Variants in VAV3 observed in about 807,000 individuals in gnomAD.
VAV3 encodes the protein guanine nucleotide exchange factor VAV3.
Under a neutral mutation model 131.2 loss-of-function variants are expected in VAV3, and 94 were observed. That is an observed-to-expected ratio of 0.72 (90% CI 0.61 to 0.85). The LOEUF is 0.85. Ranked by LOEUF, VAV3 falls within the 40% of genes least tolerant of loss-of-function variation. The pLI is 0.00. For synonymous variants in VAV3, 349 were observed against 342.0 expected, an observed-to-expected ratio of 1.02 and a Z score of -0.22; for missense variants, 939 against 1,002.7, an observed-to-expected ratio of 0.94 and a Z score of 0.86.
intron 2 of VAV3, among the ~76,000 whole-genome samples, chr1:107,792,841 T>G (rs907011435): frequency 6.6e-6 from 1 of 152,192 alleles, no homozygotes; most frequent in Admixed American, 6.5e-5. Flanking sequence ...GCTACCAGCT[T>G]GTACCCTCCT....
At chr1:107,750,631 C>T (rs1663659710) in intron 13 of VAV3, among the ~76,000 whole-genome samples, 1 of 152,278 alleles carries the variant, frequency 6.6e-6, no homozygotes, top group South Asian at 2.1e-4. Context: ...CCACAAAAAC[C>T]TCTGTTTGAT....
At chr1:107,838,813 T>C (rs1454421569) in intron 2 of VAV3, among the ~76,000 whole-genome samples, 1 of 152,172 alleles carries the variant, frequency 6.6e-6, no homozygotes, top group African/African-American at 2.4e-5. Flanking sequence ...TAGATGGTGC[T>C]GGAGCGTATT....
At chr1:107,912,357 G>T (rs1672414680) in intron 1 of VAV3, among the ~76,000 whole-genome samples, 1 of 152,120 alleles carries the variant, frequency 6.6e-6, no homozygotes, top group Non-Finnish European at 1.5e-5. Context: ...ACCACCAAGG[G>T]CAGATAGTGA....
chr1:107,831,223 A>G (rs1230153606), intron 2 of VAV3, among the ~76,000 whole-genome samples: 1 of 152,352 alleles, frequency 6.6e-6, no homozygotes, highest in East Asian at 1.9e-4. Flanking sequence ...TGTTTTTATA[A>G]ACAATACATG....
At chr1:107,749,620 A>AT in intron 13 of VAV3, 26 bp from the exon 14 acceptor site, 1 of 1,605,028 alleles carries the variant, frequency 6.2e-7, no homozygotes, top group Non-Finnish European at 8.5e-7. Flanking sequence ...TGATTGATTG[A>AT]TTTTAAATGG....
chr1:107,868,747 G>C (rs138328024), intron 2 of VAV3, among the ~76,000 whole-genome samples: 2 of 152,020 alleles, frequency 1.3e-5, no homozygotes, highest in East Asian at 3.8e-4. Context: ...TTGGAACTTC[G>C]GTAATAAAGA....
chr1:107,750,395 T>G (rs1663638611), intron 13 of VAV3, among the ~76,000 whole-genome samples: 1 of 152,240 alleles, frequency 6.6e-6, no homozygotes, highest in African/African-American at 2.4e-5. Flanking sequence ...ATACCAATAC[T>G]TGTGTATTTT....
intron 19 of VAV3, among the ~76,000 whole-genome samples, chr1:107,654,207 T>A (rs1234521869): frequency 1.3e-5 from 2 of 152,162 alleles, no homozygotes; most frequent in East Asian, 3.9e-4. Context: ...TTATTTCAGA[T>A]TTCAATACTT....
chr1:107,765,556 T>C (rs931825055), intron 8 of VAV3, among the ~76,000 whole-genome samples: 6 of 152,224 alleles, frequency 3.9e-5, no homozygotes, highest in African/African-American at 1.4e-4. Context: ...GAAAGTTTTC[T>C]CTATTACAAT....
intron 2 of VAV3, among the ~76,000 whole-genome samples, chr1:107,780,532 T>C (rs1665630521): frequency 6.6e-6 from 1 of 152,204 alleles, no homozygotes; most frequent in African/African-American, 2.4e-5. Flanking sequence ...TGTTTCTTTT[T>C]TGAGACAGAG....
At chr1:107,747,906 C>T (rs1224639518) in intron 15 of VAV3, among the ~76,000 whole-genome samples, 3 of 152,126 alleles carry the variant, frequency 2.0e-5, no homozygotes, top group Admixed American at 2.0e-4. Context: ...CCTACTCCCA[C>T]CTCTAGTTTA....
intron 15 of VAV3, among the ~76,000 whole-genome samples, 170 bp downstream of exon 15, chr1:107,748,798 T>A (rs546755453): frequency 1.3e-5 from 2 of 152,312 alleles, no homozygotes; most frequent in Admixed American, 1.3e-4. Flanking sequence ...GAGACCAAAG[T>A]TATCAAGCAG....
chr1:107,665,263 G>T (rs1377310298), intron 19 of VAV3, among the ~76,000 whole-genome samples: 1 of 152,112 alleles, frequency 6.6e-6, no homozygotes, highest in Admixed American at 6.6e-5. Context: ...AAAATATGGG[G>T]GTTGAGAGTG....
At chr1:107,779,286 A>G (rs2102224517) in intron 3 of VAV3, 148 bp downstream of exon 3, 1 of 537,482 alleles carries the variant, frequency 1.9e-6, no homozygotes, top group East Asian at 3.5e-5. Flanking sequence ...ATTAATTTCA[A>G]ACGTGTACGG....
intron 17 of VAV3, among the ~76,000 whole-genome samples, chr1:107,697,264 A>G (rs1659804615): frequency 1.3e-5 from 2 of 151,836 alleles, no homozygotes; most frequent in Non-Finnish European, 2.9e-5. Flanking sequence ...ATCTGAGAGT[A>G]AAAAAAGGAA....
At chr1:107,595,277 A>G (rs2101066662) in intron 25 of VAV3, among the ~76,000 whole-genome samples, 1 of 152,286 alleles carries the variant, frequency 6.6e-6, no homozygotes, top group East Asian at 1.9e-4. Context: ...TTGTTTGTTT[A>G]CTTGAATTGA....
chr1:107,963,347 G>A (rs892649912), intron 1 of VAV3: 3 of 152,398 alleles, frequency 2.0e-5, no homozygotes, highest in African/African-American at 7.2e-5. Context: ...TTCCAGAGTT[G>A]AGACAACTCT....
At chr1:107,717,450 T>C (rs1485611016) in intron 15 of VAV3, among the ~76,000 whole-genome samples, 1 of 152,228 alleles carries the variant, frequency 6.6e-6, no homozygotes, top group South Asian at 2.1e-4. Flanking sequence ...TTTGTTCTCA[T>C]TGGTTTCAAA....
intron 25 of VAV3, among the ~76,000 whole-genome samples, chr1:107,574,820 G>T (rs1185348697): frequency 6.6e-6 from 1 of 152,122 alleles, no homozygotes; most frequent in Non-Finnish European, 1.5e-5. Flanking sequence ...TGTGAATCAG[G>T]TCTCAGAGAA....
Sources: gnomAD v4.1 joint callset for allele counts (sites outside exome capture counted in the v4.1 genomes callset) on GRCh38, gnomAD v4.1.1 for gene constraint, MANE v1.5 for transcripts, NCBI Gene and HGNC (gene_info 2026-07-23, HGNC 2026-07-21) for gene names.